The following SLC8A1 variants were observed in gnomAD, a reference collection of about 807,000 sequenced individuals.
SLC8A1 encodes the protein sodium/calcium exchanger 1.
Under a neutral mutation model 68.3 loss-of-function variants are expected in SLC8A1, and 18 were observed. The observed-to-expected ratio is 0.26, with a 90% CI of 0.18 to 0.39. The LOEUF is 0.39. Among genes scored for constraint, SLC8A1 ranks in the 10% least tolerant of loss-of-function variants. The pLI is 1.00. For synonymous variants in SLC8A1, 475 were observed against 415.5 expected (o/e 1.14, Z -1.74); for missense variants, 985 against 1,156.7 (o/e 0.85, Z 2.15).
At chr2:40,281,925 G>A (rs2067586836) in intron 2 of SLC8A1, among the ~76,000 whole-genome samples, 1 of 152,088 alleles carries the variant, frequency 6.6e-6, no homozygotes, top group Non-Finnish European at 1.5e-5. Context: ...AGCCCTCCTG[G>A]ATTTATCCTA....
chr2:40,463,146 C>G (rs59984752), intron 1 of SLC8A1, among the ~76,000 whole-genome samples: 5,728 of 152,160 alleles, frequency 0.038, 244 homozygotes, highest in Admixed American at 0.1. Flanking sequence ...AGAGAGAGAG[C>G]TAACCTTTTT....
intron 2 of SLC8A1, among the ~76,000 whole-genome samples, chr2:40,346,517 G>A (rs1309764150): frequency 3.3e-5 from 5 of 152,010 alleles, no homozygotes; most frequent in East Asian, 1.9e-4. Context: ...GGACCATGCC[G>A]CCGTCAGAGT....
chr2:40,263,254 G>T (rs942150444), intron 2 of SLC8A1, among the ~76,000 whole-genome samples: 6 of 152,220 alleles, frequency 3.9e-5, no homozygotes, highest in Non-Finnish European at 5.9e-5. Flanking sequence ...AACTTGTAGA[G>T]TTGTTGTGAA....
chr2:40,193,568 G>C (rs775273203), intron 2 of SLC8A1, among the ~76,000 whole-genome samples: 63 of 152,258 alleles, frequency 4.1e-4, no homozygotes, highest in Non-Finnish European at 7.9e-4. Flanking sequence ...GTGTGCACAT[G>C]TAAGTGGTAG....
chr2:40,376,281 T>C (rs148295347), intron 2 of SLC8A1, among the ~76,000 whole-genome samples: 68 of 152,238 alleles, frequency 4.5e-4, no homozygotes, highest in African/African-American at 1.6e-3. Context: ...TCAGATAAGC[T>C]AACCTAAGCC....
At chr2:40,325,557 A>G (rs1039249443) in intron 2 of SLC8A1, among the ~76,000 whole-genome samples, 1 of 152,146 alleles carries the variant, frequency 6.6e-6, no homozygotes, top group African/African-American at 2.4e-5. Context: ...GTTATATTAT[A>G]ATACCATTAA....
intron 1 of SLC8A1, among the ~76,000 whole-genome samples, 168 bp downstream of exon 1, chr2:40,451,736 A>ACCACACACACACACACAC (rs1559735616): frequency 2.2e-5 from 1 of 46,414 alleles, no homozygotes; most frequent in African/African-American, 7.7e-5. Context: ...CACACACCAC[A>ACCACACACACACACACAC]TCACACACAC....
At chr2:40,245,545 T>C (rs954628428) in intron 2 of SLC8A1, among the ~76,000 whole-genome samples, 1 of 152,182 alleles carries the variant, frequency 6.6e-6, no homozygotes, top group African/African-American at 2.4e-5. Context: ...GTGCTGTATG[T>C]ACCTGTTTGC....
At chr2:40,369,946 C>G (rs1575768768) in intron 2 of SLC8A1, among the ~76,000 whole-genome samples, 1 of 152,042 alleles carries the variant, frequency 6.6e-6, no homozygotes, top group African/African-American at 2.4e-5. Context: ...TTTTTAATAT[C>G]TTTGTAATAT....
In SLC8A1 at chr2:40,448,952, T is replaced by C. The variant is rs74377327; in HGVS notation, c.-25+2952A>G. On this transcript the variant is annotated intron_variant, in intron 1 of 7. Coordinates refer to ENST00000406785, the Ensembl canonical transcript of SLC8A1. ...ACTTGAAAGCAACATACTACGAAAA[T>C]ATAAAACATGCAACATATGTGCTCT... 5.9e-5 allele frequency among the ~76,000 whole-genome samples: 9 copies of C among 151,896 alleles called. No homozygotes were observed. The East Asian group carries it at 1.7e-3, about 29-fold the overall frequency.
intron 7 of SLC8A1, among the ~76,000 whole-genome samples, chr2:40,129,668 C>T (rs2038920261): frequency 6.6e-6 from 1 of 152,102 alleles, no homozygotes; most frequent in Non-Finnish European, 1.5e-5. Context: ...TGCAATACAC[C>T]CTGAGCCTCA....
chr2:40,469,566 T>G (rs569133874), intron 1 of SLC8A1, among the ~76,000 whole-genome samples: 135 of 152,256 alleles, frequency 8.9e-4, no homozygotes, highest in African/African-American at 3.0e-3. Context: ...AAACAATGTT[T>G]ATAAATACCA....
intron 2 of SLC8A1, among the ~76,000 whole-genome samples, chr2:40,199,289 G>A (rs747488752): frequency 2.6e-5 from 4 of 151,786 alleles, no homozygotes; most frequent in African/African-American, 4.8e-5. Flanking sequence ...TGTGAGCCTT[G>A]AATGAATCAA....
chr2:40,214,854 G>C (rs1243342324), intron 2 of SLC8A1, among the ~76,000 whole-genome samples: 1 of 152,144 alleles, frequency 6.6e-6, no homozygotes, highest in African/African-American at 2.4e-5. Context: ...AATGGATAAA[G>C]GAAGGGATAT....
At chr2:40,296,359 G>A (rs2070382510) in intron 2 of SLC8A1, among the ~76,000 whole-genome samples, 1 of 152,114 alleles carries the variant, frequency 6.6e-6, no homozygotes, top group African/African-American at 2.4e-5. Flanking sequence ...TGGAATATAA[G>A]GGATTCATTA....
intron 2 of SLC8A1, among the ~76,000 whole-genome samples, chr2:40,185,793 G>T (rs1419475965): frequency 1.3e-5 from 2 of 152,144 alleles, no homozygotes; most frequent in Non-Finnish European, 2.9e-5. Context: ...AAAAAAATAA[G>T]CTTTAGGCTA....
At chr2:40,142,850 A>G (rs115922326) in intron 6 of SLC8A1, among the ~76,000 whole-genome samples, 1 of 152,068 alleles carries the variant, frequency 6.6e-6, no homozygotes, top group Non-Finnish European at 1.5e-5. Flanking sequence ...TCAACATGCT[A>G]GGTCCTAAGG....
At chr2:40,411,100 A>G (rs1327911464) in intron 2 of SLC8A1, among the ~76,000 whole-genome samples, 1 of 152,078 alleles carries the variant, frequency 6.6e-6, no homozygotes, top group Admixed American at 6.6e-5. Context: ...GAAATAAATG[A>G]TTAGGTAAGA....
intron 2 of SLC8A1, among the ~76,000 whole-genome samples, chr2:40,243,523 T>G (rs920661022): frequency 6.6e-6 from 1 of 152,146 alleles, no homozygotes; most frequent in African/African-American, 2.4e-5. Context: ...CAAGTCTAAG[T>G]TCAGTATTTA....
Sources: allele counts gnomAD v4.1 joint callset (sites outside exome capture counted in the v4.1 genomes callset), GRCh38; gene constraint gnomAD v4.1.1; transcripts MANE v1.5; gene names NCBI Gene and HGNC (gene_info 2026-07-23, HGNC 2026-07-21).